The following INTS4 variants were observed in gnomAD, a reference collection of about 807,000 sequenced individuals.
INTS4 encodes integrator complex subunit 4.
In INTS4, 70 loss-of-function variants were observed where a neutral mutation model predicts 119.5. That is an observed-to-expected ratio of 0.59 (90% CI 0.48 to 0.71). The LOEUF (loss-of-function observed/expected upper bound fraction) is 0.71, where lower values mean the gene tolerates loss of function less well. Among genes scored for constraint, INTS4 ranks in the 30% least tolerant of loss-of-function variants. INTS4 has a pLI of 0.00. For missense variants in INTS4, 867 were observed against 1,173.2 expected (o/e 0.74, Z 3.81); for synonymous variants, 316 against 419.6 (o/e 0.75, Z 3.02).
At chr11:77,963,251 T>A (rs1043172375) in intron 4 of INTS4, among the ~76,000 whole-genome samples, 24 of 147,122 alleles carry the variant, frequency 1.6e-4, no homozygotes, top group African/African-American at 5.3e-4. Flanking sequence ...GGGAAACAAT[T>A]ACAATTTTAT....
At chr11:77,886,992 A>AG (rs1469678842) in intron 21 of INTS4, among the ~76,000 whole-genome samples, 2 of 152,064 alleles carry the variant, frequency 1.3e-5, no homozygotes, top group African/African-American at 2.4e-5. Context: ...CACAAGAGAA[A>AG]GCAGGAAAGA....
At chr11:77,951,360 A>G (rs1377828506) in intron 8 of INTS4, among the ~76,000 whole-genome samples, 5 of 152,300 alleles carry the variant, frequency 3.3e-5, no homozygotes, top group African/African-American at 7.2e-5. Context: ...ATAATGCCGC[A>G]TATCTACAAC....
chr11:77,921,427 T>C lies in INTS4; in HGVS notation c.1677A>G (p.Pro559=), dbSNP rs1953358573. The C allele has an allele frequency of 2.5e-6, 4 of 1,609,684 alleles. No homozygotes were observed. In the Admixed American group the frequency reaches 5.0e-5, roughly 20 times the overall value. The change falls in exon 14 of 23, where the codon CCA becomes CCG. Residue 559 remains proline (P), a synonymous_variant. Transcript: ENST00000534064. ...GATCTGAGAACAATGCTGGCATTGT[T>C]GGACAGGTTTTAGCAGCATTGAAAA... is the stretch of plus-strand genomic sequence containing the variant. ...VLIFNAAKTC[P]TMPALFSDHT...
chr11:77,939,930 A>T (rs1028092603), intron 9 of INTS4, among the ~76,000 whole-genome samples: 18 of 152,176 alleles, frequency 1.2e-4, no homozygotes, highest in Admixed American at 1.1e-3. Flanking sequence ...CAAAATCACC[A>T]AAGTCATTAT....
intron 2 of INTS4, among the ~76,000 whole-genome samples, chr11:77,982,533 C>T (rs72941350): frequency 0.13 from 19,800 of 151,942 alleles, 1,475 homozygotes; most frequent in East Asian, 0.25. Flanking sequence ...GCCCCAGCTG[C>T]AGGGGAGACT....
chr11:77,961,084 T>G lies in INTS4; in HGVS notation c.526A>C (p.Asn176His), dbSNP rs1954459500. ...VRNKCLQLLG[N>H]LGSLEKSVTK... is the part of the protein sequence containing the mutation. ...ACACTTTTCTCCAAAGAGCCAAGAT[T>G]GCCAAGTAACTGCAGGCACTTATTT... is the stretch of plus-strand genomic sequence containing the variant. The change falls in exon 5 of 23, where the codon AAT (asparagine) becomes CAT (histidine). Residue 176 changes from asparagine to histidine, a missense_variant. Asn to His is a moderately conservative substitution (Grantham distance 68). Transcript: ENST00000534064. 6.2e-7 allele frequency: 1 copy of G among 1,609,320 alleles called. No individual in the cohort carries two copies.
At chr11:77,955,640 C>T (rs567193228) in intron 8 of INTS4, among the ~76,000 whole-genome samples, 4 of 151,642 alleles carry the variant, frequency 2.6e-5, no homozygotes, top group South Asian at 2.1e-4. Flanking sequence ...GGATTACAGG[C>T]GTGCGCCACC....
intron 6 of INTS4, 150 bp from the exon 7 acceptor site, chr11:77,958,984 T>TA (rs1282177686): frequency 4.7e-6 from 3 of 637,262 alleles, no homozygotes; most frequent in Non-Finnish European, 8.7e-6. Flanking sequence ...TGCTTAAAAA[T>TA]GAATCTTGAC....
intron 15 of INTS4, among the ~76,000 whole-genome samples, chr11:77,912,261 C>G (rs1218872363): frequency 6.6e-6 from 1 of 151,564 alleles, no homozygotes. Context: ...ATTCAGGATG[C>G]TGGGGCAGGA....
In INTS4 at chr11:77,960,966, G is replaced by A. The variant is rs746983370; in HGVS notation, c.644C>T (p.Ala215Val). Residue 215 changes from alanine (A) to valine (V), a missense_variant, in exon 5 of 23, where the codon GCT (alanine) becomes GTT (valine). By Grantham distance (64) the Ala-to-Val change is moderately conservative. This residue lies in a region of INTS4 where 208 missense variants were observed against 306.6 expected (regional missense o/e 0.68). Transcript: ENST00000534064. ...AATCACATTTACCATGGCTTTTATA[G>A]CTGCTGTTCTGACACGTGGGTCTTG... Reference protein sequence around the residue: ...SDQDPRVRTAAIKAMLQLHER... With the variant: ...SDQDPRVRTAVIKAMLQLHER... 1.9e-6 allele frequency: 3 copies of A among 1,598,758 alleles called. No homozygotes were observed. Among genetic ancestry groups the A allele is most frequent in the Non-Finnish European group, 2.6e-6 (3 of 1,174,114 alleles).
intron 18 of INTS4, among the ~76,000 whole-genome samples, chr11:77,894,600 A>T (rs1177126099): frequency 1.3e-5 from 2 of 152,240 alleles, no homozygotes; most frequent in Admixed American, 1.3e-4. Flanking sequence ...CACAGGCTAC[A>T]CTTGGCACTA....
rs758769088 is a variant in INTS4, at chr11:77,931,582, C to T, written c.1166-3035G>A. Among the ~76,000 whole-genome samples, 4 of 151,964 alleles carry T rather than the reference C, an allele frequency of 2.6e-5. No individual in the cohort carries two copies. The South Asian group carries it at 8.3e-4, about 32-fold the overall frequency. On this transcript the variant is annotated intron_variant, in intron 10 of 22. Coordinates refer to ENST00000534064, the MANE Select transcript of INTS4 (RefSeq NM_033547.4). ...CCTGTATCAAAACATCTCATGTACC[C>T]CTTAAATATATATACTAGTATGGAA...
chr11:77,903,720 A>G, intron 16 of INTS4, 100 bp from the exon 17 acceptor site: 1 of 811,666 alleles, frequency 1.2e-6, no homozygotes. Context: ...GTCTCCCATG[A>G]ACATGACTTC....
At chr11:77,937,041 C>A in intron 10 of INTS4, among the ~76,000 whole-genome samples, 1 of 151,736 alleles carries the variant, frequency 6.6e-6, no homozygotes, top group East Asian at 1.9e-4. Flanking sequence ...CGAGAGTGGT[C>A]GCGGGCACCT....
In INTS4 at chr11:77,944,591, C is replaced by T. The variant is rs530312035; in HGVS notation, c.919-3340G>A. ...CTATCCCTGGCTACCTGACTATCAA[C>T]TTCGTTGAAGACAGAAACTGTCCTC... On this transcript the variant is annotated intron_variant, in intron 8 of 22. Coordinates refer to ENST00000534064, the MANE Select transcript of INTS4 (RefSeq NM_033547.4). Among the ~76,000 whole-genome samples, 6 of 152,314 alleles carry T rather than the reference C, an allele frequency of 3.9e-5. No homozygotes were observed. In the East Asian group the frequency reaches 1.2e-3, roughly 29 times the overall value.
intron 4 of INTS4, among the ~76,000 whole-genome samples, chr11:77,977,076 T>C: frequency 6.6e-6 from 1 of 151,574 alleles, no homozygotes; most frequent in Non-Finnish European, 1.5e-5. Flanking sequence ...TAAAGTATAA[T>C]AAAAAAGAAA....
At chr11:77,944,594 C>T (rs540441535) in intron 8 of INTS4, among the ~76,000 whole-genome samples, 1 of 152,288 alleles carries the variant, frequency 6.6e-6, no homozygotes, top group East Asian at 1.9e-4. Flanking sequence ...CTATCAACTT[C>T]GTTGAAGACA....
At chr11:77,967,380 T>C (rs1318939557) in intron 4 of INTS4, among the ~76,000 whole-genome samples, 2 of 152,110 alleles carry the variant, frequency 1.3e-5, no homozygotes, top group African/African-American at 2.4e-5. Flanking sequence ...TAAAGAGCCT[T>C]CACTAGGAAC....
intron 3 of INTS4, among the ~76,000 whole-genome samples, chr11:77,979,776 G>A (rs753544344): frequency 6.0e-5 from 9 of 150,954 alleles, no homozygotes; most frequent in Admixed American, 6.6e-5. Context: ...TCAGGAATTC[G>A]AGACCAGCCT....
Sources: allele counts gnomAD v4.1 joint callset (sites outside exome capture counted in the v4.1 genomes callset), GRCh38; gene constraint gnomAD v4.1.1; regional missense constraint gnomAD v4.1.1; transcripts MANE v1.5; gene names NCBI Gene and HGNC (gene_info 2026-07-23, HGNC 2026-07-21).